The following C15orf40 variants were observed in gnomAD, a reference collection of about 807,000 sequenced individuals.
The protein encoded by C15orf40 is chromosome 15 open reading frame 40, also known as UPF0235 protein C15orf40.
Under a neutral mutation model 13.9 loss-of-function variants are expected in C15orf40, and 9 were observed. The observed-to-expected ratio is 0.65, with a 90% CI of 0.39 to 1.13. The LOEUF is 1.13. C15orf40 is among the 50% of genes most tolerant of loss of function. C15orf40 has a pLI of 0.01. For synonymous variants in C15orf40, 95 were observed against 69.2 expected (o/e 1.37, Z -1.85); for missense variants, 225 against 188.5 (o/e 1.19, Z -1.13).
rs974631369 is a variant in C15orf40, at chr15:83,004,125, A to G, written c.*1472T>C. On this transcript the variant is annotated 3_prime_UTR_variant, in exon 4 of 4. Coordinates refer to ENST00000304177, the MANE Select transcript of C15orf40 (RefSeq NM_144597.3). ...ATCTATGTATAAAATCTATCTATGTATATCTATCTATCTATAAAGAAAGAG... is the reference window on the plus strand; with the variant it reads ...ATCTATGTATAAAATCTATCTATGTGTATCTATCTATCTATAAAGAAAGAG... 3 of 152,354 alleles carry G rather than the reference A, an allele frequency of 2.0e-5. No individual in the cohort carries two copies. The highest frequency in any genetic ancestry group is 7.2e-5 in the African/African-American group (3 of 41,388). The allele number at this position is 152,354 out of a possible 1,614,324, so 9.4% of individuals were successfully genotyped here.
chr15:83,006,599 A>C, intron 3 of C15orf40: 3 of 346,496 alleles, frequency 8.7e-6, no homozygotes, highest in Non-Finnish European at 1.2e-5. Context: ...GTCTCTACTA[A>C]AAATTAGCCA....
intron 1 of C15orf40, chr15:83,010,674 T>C: frequency 3.7e-6 from 1 of 268,340 alleles, no homozygotes; most frequent in South Asian, 5.8e-5. Context: ...AGGGATCATT[T>C]ATTATTCATC....
At position 83,005,700 on chromosome 15, in the gene C15orf40, A is replaced by G. The variant is rs750943767; in HGVS notation, c.367-8T>C. The stretch of plus-strand genomic sequence containing the variant: ...TTCACGAGATTTACCACCCTGGACC[A>G]AAAGAGAAAAAGCATACTTTACTGT... On this transcript the variant is annotated splice_region_variant and splice_polypyrimidine_tract_variant and intron_variant, in intron 3 of 3. Transcript: ENST00000304177. The G allele has an allele frequency of 5.9e-5, 95 of 1,609,952 alleles. No homozygotes were observed. Among genetic ancestry groups the G allele is most frequent in the Non-Finnish European group, 7.8e-5 (92 of 1,178,420 alleles).
chr15:83,010,143 T>A, intron 2 of C15orf40, 94 bp downstream of exon 2: 1 of 1,482,254 alleles, frequency 6.7e-7, no homozygotes, highest in East Asian at 2.3e-5. Flanking sequence ...AAAAATCAAC[T>A]GTCATAGAAT....
chr15:82,989,262 C>G, downstream of C15orf40: 1 of 1,505,800 alleles, frequency 6.6e-7, no homozygotes, highest in Non-Finnish European at 9.0e-7. Context: ...ACTGGAAGGC[C>G]AGTGAGGGCA....
chr15:82,989,852 T>G, downstream of C15orf40: 1 of 1,606,624 alleles, frequency 6.2e-7, no homozygotes, highest in African/African-American at 1.3e-5. Context: ...AAGGGAAGTT[T>G]AAAGATCTTT....
intron 1 of C15orf40, 165 bp from the exon 2 acceptor site, chr15:83,010,528 T>C (rs2031943970): frequency 4.2e-6 from 3 of 709,036 alleles, no homozygotes; most frequent in Admixed American, 6.0e-5. Context: ...CCTTCAAGGC[T>C]CTACTCAATT....
Position 83,005,601 on chromosome 15 carries a change from G to GT in C15orf40, c.457dup (p.Thr153AsnfsTer16), listed in dbSNP as rs751372654. On this transcript the variant is annotated frameshift_variant, in exon 4 of 4. Coordinates refer to ENST00000304177, the MANE Select transcript of C15orf40 (RefSeq NM_144597.3). LOFTEE classifies it high-confidence loss of function. ...GCCCGGCCTCATTTCTTGCTTTTAT[G>GT]TTTTTTTGGCTTCCTTTTTTAATTT... 3.7e-6 allele frequency: 6 copies of GT among 1,607,854 alleles called. No homozygotes were observed. Among genetic ancestry groups the GT allele is most frequent in the East Asian group, 2.2e-5 (1 of 44,486 alleles).
chr15:83,009,964 T>C lies in C15orf40; in HGVS notation c.238+273A>G, dbSNP rs186415199. ...AGGACAAACTAAGAATAATCCAGAC[T>C]ACACACAAGTTTCCATAACTGTCCT... On this transcript the variant is annotated intron_variant, in intron 2 of 3. Coordinates refer to ENST00000304177, the MANE Select transcript of C15orf40 (RefSeq NM_144597.3). Among the ~76,000 whole-genome samples, 277 of 152,368 alleles carry C rather than the reference T, an allele frequency of 1.8e-3. 2 individuals are homozygous for C. The highest frequency in any genetic ancestry group is 5.0e-3 in the Admixed American group (77 of 15,300).
chr15:83,011,435 C>A, intron 1 of C15orf40, 62 bp downstream of exon 1: 2 of 1,512,928 alleles, frequency 1.3e-6, no homozygotes. Flanking sequence ...CCGCTTCTCC[C>A]GCGCTCTTCA....
chr15:82,989,692 T>C (rs925897828), downstream of C15orf40, among the ~76,000 whole-genome samples: 3 of 152,254 alleles, frequency 2.0e-5, no homozygotes, highest in African/African-American at 7.2e-5. Flanking sequence ...CCTAGTATAA[T>C]ACTGGAAGAA....
intron 1 of C15orf40, 138 bp from the exon 2 acceptor site, chr15:83,010,501 G>A (rs1178474243): frequency 1.0e-6 from 1 of 993,274 alleles, no homozygotes; most frequent in Non-Finnish European, 1.5e-6. Context: ...TGGCCACCTA[G>A]AAAGCTTTTC....
In C15orf40 at chr15:82,996,798, G is replaced by A. The variant is rs917375042; in HGVS notation, c.*8799C>T. 8 of 151,594 alleles carry A rather than the reference G, an allele frequency of 5.3e-5. No individual in the cohort carries two copies. Among genetic ancestry groups the A allele is most frequent in the Non-Finnish European group, 1.2e-4 (8 of 67,928 alleles). The allele number at this position is 151,594 out of a possible 1,614,324, so 9.4% of individuals were successfully genotyped here. A position where few individuals can be genotyped will look rare whatever the true frequency, so the allele number is the denominator to read the frequency against. Reference sequence around the variant, plus strand: ...AGGCGGATGGATCGCCTGAGGTCAGGAGTCTGAGACCAGCCTGGCCAACAT... The same window carrying A: ...AGGCGGATGGATCGCCTGAGGTCAGAAGTCTGAGACCAGCCTGGCCAACAT... On this transcript the variant is annotated 3_prime_UTR_variant, in exon 4 of 4. Coordinates refer to ENST00000304177, the MANE Select transcript of C15orf40 (RefSeq NM_144597.3).
chr15:82,990,763 A>G (rs1325751621), downstream of C15orf40: 2 of 895,162 alleles, frequency 2.2e-6, no homozygotes, highest in Non-Finnish European at 1.8e-6. Context: ...TGCTAACAAC[A>G]TAGCAGGTCA....
At chr15:82,989,018 A>G, downstream of C15orf40, 1 of 1,599,370 alleles carries the variant, frequency 6.3e-7, no homozygotes, top group Non-Finnish European at 8.5e-7. Context: ...AGATTTTCAG[A>G]ATGACTGACA....
downstream of C15orf40, chr15:82,989,179 G>A (rs1342868521): frequency 6.2e-7 from 1 of 1,612,518 alleles, no homozygotes; most frequent in Admixed American, 1.7e-5. Flanking sequence ...CAAAGAAACA[G>A]AGGCAATCGG....
intron 1 of C15orf40, 62 bp downstream of exon 1, chr15:83,011,435 C>T: frequency 6.6e-7 from 1 of 1,512,930 alleles, no homozygotes; most frequent in Non-Finnish European, 8.9e-7. Context: ...CCGCTTCTCC[C>T]GCGCTCTTCA....
downstream of C15orf40, chr15:82,991,160 T>C (rs1389092950): frequency 6.5e-6 from 1 of 153,352 alleles, no homozygotes; most frequent in Non-Finnish European, 1.5e-5. Context: ...GGTTTAACAG[T>C]AACATTAAGA....
In C15orf40 at chr15:83,000,733, T is replaced by C. The variant is rs2031383337; in HGVS notation, c.*4864A>G. ...TCTGCATTACAGCTAAAGAACTATGTAACCAAATCCCTGGAATCTAGGAGG... is the reference window on the plus strand; with the variant it reads ...TCTGCATTACAGCTAAAGAACTATGCAACCAAATCCCTGGAATCTAGGAGG... On this transcript the variant is annotated 3_prime_UTR_variant, in exon 4 of 4. Coordinates refer to ENST00000304177, the MANE Select transcript of C15orf40 (RefSeq NM_144597.3). The C allele has an allele frequency of 6.6e-6, 1 of 152,232 alleles. No homozygotes were observed. The highest frequency in any genetic ancestry group is 6.5e-5 in the Admixed American group (1 of 15,280). 9.4% of individuals were successfully genotyped at this position (152,232 alleles called of 1,614,324 possible). A position where few individuals can be genotyped will look rare whatever the true frequency, so the allele number is the denominator to read the frequency against.
Sources: gnomAD v4.1 joint callset for allele counts (sites outside exome capture counted in the v4.1 genomes callset) on GRCh38, gnomAD v4.1.1 for gene constraint, MANE v1.5 for transcripts, NCBI Gene and HGNC (gene_info 2026-07-23, HGNC 2026-07-21) for gene names.